Variants in DAPK1 observed in about 807,000 individuals in gnomAD.
The protein encoded by DAPK1 is death associated protein kinase 1.
A neutral mutation model predicts 144.9 loss-of-function variants in DAPK1; 56 were observed. The ratio of observed to expected loss-of-function variants is 0.39; its 90% CI spans 0.31 to 0.48. The LOEUF is 0.48. DAPK1 is among the 20% of genes least tolerant of loss of function. The pLI is 0.95. For synonymous variants in DAPK1, 690 were observed against 749.0 expected, an observed-to-expected ratio of 0.92 and a Z score of 1.29; for missense variants, 1,454 against 1,875.4, an observed-to-expected ratio of 0.78 and a Z score of 4.15.
Position 87,706,503 on chromosome 9 carries a change from C to T in DAPK1, c.3432C>T (p.Ile1144=), listed in dbSNP as rs755398568. The change falls in exon 26 of 26, where the codon ATC becomes ATT. Residue 1144 remains isoleucine (I), a synonymous_variant. Transcript: ENST00000408954. The surrounding 1 kb of genome is among the most constrained non-coding windows in gnomAD (Gnocchi z 9.0). ...ACCTCACCCCCTTCCCATGTGGCAT[C>T]TTTCACAAGGTCCAGGTGAACCTGT... ...VEHLTPFPCG[I]FHKVQVNLCR... is the part of the protein sequence containing the mutation. 3.1e-6 allele frequency: 5 copies of T among 1,614,068 alleles called. No homozygotes were observed. Among genetic ancestry groups the T allele is most frequent in the South Asian group, 1.1e-5 (1 of 91,086 alleles).
At chr9:87,504,230 A>C (rs1483163944) in intron 2 of DAPK1, among the ~76,000 whole-genome samples, 1 of 152,242 alleles carries the variant, frequency 6.6e-6, no homozygotes, top group African/African-American at 2.4e-5. Flanking sequence ...GAAAGGGTCC[A>C]AAGTTTTAAG....
chr9:87,607,728 C>T (rs955043487), intron 3 of DAPK1, among the ~76,000 whole-genome samples: 1 of 152,076 alleles, frequency 6.6e-6, no homozygotes, highest in Non-Finnish European at 1.5e-5. Flanking sequence ...AGTTCCCATA[C>T]CCCTACATAC....
chr9:87,670,863 AC>A (rs1485296441), intron 19 of DAPK1, among the ~76,000 whole-genome samples: 1 of 151,954 alleles, frequency 6.6e-6, no homozygotes, highest in African/African-American at 2.4e-5. Context: ...CACTCGGGAA[AC>A]CCACCTCATG....
chr9:87,514,424 GT>G (rs1014292025), intron 2 of DAPK1, among the ~76,000 whole-genome samples: 1 of 152,198 alleles, frequency 6.6e-6, no homozygotes, highest in Non-Finnish European at 1.5e-5. Flanking sequence ...AGGCTTGTGG[GT>G]GTCAGAGCCC....
intron 2 of DAPK1, among the ~76,000 whole-genome samples, chr9:87,571,662 A>T (rs1380028630): frequency 6.6e-6 from 1 of 152,220 alleles, no homozygotes; most frequent in Non-Finnish European, 1.5e-5. Flanking sequence ...GTCTGCCAGC[A>T]GTCCACCTTC....
chr9:87,674,821 A>T (rs1824304441), intron 19 of DAPK1, among the ~76,000 whole-genome samples: 1 of 152,228 alleles, frequency 6.6e-6, no homozygotes, highest in Admixed American at 6.5e-5. Context: ...CTGATGAGAA[A>T]GTGAAAGCTA....
At chr9:87,593,727 T>C (rs2118898328) in intron 2 of DAPK1, among the ~76,000 whole-genome samples, 1 of 152,336 alleles carries the variant, frequency 6.6e-6, no homozygotes, top group East Asian at 1.9e-4. Flanking sequence ...CATGAAGTTA[T>C]ATGAACCTCC....
intron 2 of DAPK1, among the ~76,000 whole-genome samples, chr9:87,553,266 A>G (rs1826565816): frequency 6.6e-6 from 1 of 151,962 alleles, no homozygotes; most frequent in Admixed American, 6.6e-5. Flanking sequence ...GTGATTGGAA[A>G]TATTTGGTAT....
intron 20 of DAPK1, among the ~76,000 whole-genome samples, chr9:87,683,996 A>G (rs923833335): frequency 7.2e-5 from 11 of 152,198 alleles, no homozygotes; most frequent in Admixed American, 2.0e-4. Context: ...GGCAGGAGGC[A>G]TAGCTCGGCA....
intron 2 of DAPK1, among the ~76,000 whole-genome samples, chr9:87,589,054 A>G (rs1828034981): frequency 1.1e-5 from 1 of 89,112 alleles, no homozygotes; most frequent in Non-Finnish European, 2.1e-5. Flanking sequence ...ACGCCCGGCT[A>G]ATTTTTTTTT....
intron 17 of DAPK1, among the ~76,000 whole-genome samples, chr9:87,656,219 A>G (rs1830622130): frequency 6.6e-6 from 1 of 152,126 alleles, no homozygotes; most frequent in South Asian, 2.1e-4. Flanking sequence ...TCGCTGACAC[A>G]CGGCGGGTGT....
At chr9:87,562,135 GTTCTGT>G (rs1454827440) in intron 2 of DAPK1, among the ~76,000 whole-genome samples, 2 of 152,234 alleles carry the variant, frequency 1.3e-5, no homozygotes, top group African/African-American at 2.4e-5. Flanking sequence ...GCCTCCTGCA[GTTCTGT>G]ATCTACCTGG....
rs772773066 is a variant in DAPK1 at position 87,697,024 on chromosome 9, G to T, written c.2431G>T (p.Val811Leu). The T allele has an allele frequency of 1.3e-6, 2 of 1,578,850 alleles. No homozygotes were observed. The highest frequency in any genetic ancestry group is 2.2e-5 in the East Asian group (1 of 44,746). Residue 811 changes from valine (V) to leucine (L), a missense_variant, in exon 22 of 26, where the codon GTG (valine) becomes TTG (leucine). This residue lies in a region of DAPK1 where 1,025 missense variants were observed against 1,237.9 expected (regional missense o/e 0.83). Transcript: ENST00000408954. ...TTCTGTAGGAGTTGGCGATTTCAGC[G>T]TGTGGGAGTTCTCTGGAAATCCTGT... ...AYLNGVGDFS[V>L]WEFSGNPVYF...
intron 2 of DAPK1, among the ~76,000 whole-genome samples, chr9:87,539,250 T>G (rs567790965): frequency 2.0e-5 from 3 of 152,110 alleles, no homozygotes; most frequent in African/African-American, 7.2e-5. Context: ...TGAAGTTTAA[T>G]ATGTACGGAT....
At chr9:87,639,624 C>G (rs1341592055) in intron 5 of DAPK1, 26 bp from the exon 6 acceptor site, 1 of 1,613,902 alleles carries the variant, frequency 6.2e-7, no homozygotes, top group Non-Finnish European at 8.5e-7. Flanking sequence ...TCCTCCCAAG[C>G]TAAATGAGTG....
intron 2 of DAPK1, among the ~76,000 whole-genome samples, chr9:87,541,543 T>C (rs1285032790): frequency 8.0e-6 from 1 of 125,646 alleles, no homozygotes; most frequent in Non-Finnish European, 1.7e-5. Flanking sequence ...AGCAAGACTC[T>C]GTCTGGAAAA....
rs532501977 is a variant in DAPK1 at position 87,672,811 on chromosome 9, C to T, written c.2001+4137C>T. 3.3e-5 allele frequency among the ~76,000 whole-genome samples: 5 copies of T among 152,280 alleles called. No homozygotes were observed. The East Asian group carries it at 5.8e-4, about 18-fold the overall frequency. The stretch of plus-strand genomic sequence containing the variant: ...TGGTTATTGGAAATGACTGAGCTGT[C>T]GCGGCAGCTTCCTTGGAGAATGCAT... On this transcript the variant is annotated intron_variant, in intron 19 of 25. Transcript: ENST00000408954.
chr9:87,669,351 GGT>G (rs200979255), intron 19 of DAPK1, among the ~76,000 whole-genome samples: 1 of 141,056 alleles, frequency 7.1e-6, no homozygotes, highest in South Asian at 2.3e-4. Flanking sequence ...GGTGGGGGGG[GGT>G]CACTGGGCTT....
intron 2 of DAPK1, among the ~76,000 whole-genome samples, chr9:87,528,510 GC>G (rs1273434744): frequency 2.0e-5 from 3 of 152,016 alleles, no homozygotes; most frequent in Non-Finnish European, 2.9e-5. Context: ...GAGCCACCAC[GC>G]CCGGCCTACC....
Sources: gnomAD v4.1 joint callset for allele counts (sites outside exome capture counted in the v4.1 genomes callset) on GRCh38, gnomAD v4.1.1 for gene constraint, gnomAD v4.1.1 regional missense constraint, Gnocchi (gnomAD v3.1) non-coding constraint, MANE v1.5 for transcripts, NCBI Gene and HGNC (gene_info 2026-07-23, HGNC 2026-07-21) for gene names.